ANKRD66: variants seen among roughly 807,000 people sequenced by gnomAD.
ANKRD66 encodes ankyrin repeat domain 66.
ANKRD66 carries 10 observed loss-of-function variants against 10.9 expected under a neutral mutation model. That is an observed-to-expected ratio of 0.91 (90% CI 0.56 to 1.55). The LOEUF is 1.55. ANKRD66 is among the 40% of genes most tolerant of loss of function. The probability of loss-of-function intolerance (pLI) is 0.00; values close to 1 mark genes in which losing one functional copy is unlikely to be tolerated. For missense variants in ANKRD66, 252 were observed against 242.9 expected, an observed-to-expected ratio of 1.04 and a Z score of -0.25; for synonymous variants, 85 against 88.4, an observed-to-expected ratio of 0.96 and a Z score of 0.22.
chr6:46,753,686 C>T, intron 3 of ANKRD66, 36 bp from the exon 4 acceptor site: 1 of 1,511,448 alleles, frequency 6.6e-7, no homozygotes, highest in Non-Finnish European at 8.9e-7. Context: ...ACATCTTTAT[C>T]CTAACCTCAT....
chr6:46,756,552 A>G (rs933997068), intron 4 of ANKRD66: 1 of 152,736 alleles, frequency 6.5e-6, no homozygotes, highest in Non-Finnish European at 1.5e-5. Context: ...TAGCAGTATT[A>G]ATCATGATAG....
At position 46,758,929 on chromosome 6, in the gene ANKRD66, A is replaced by T. The variant is rs1325378464; in HGVS notation, c.*8A>T. On this transcript the variant is annotated 3_prime_UTR_variant, in exon 5 of 5. Transcript: ENST00000565422. ...AAGGGGAGGAGAGTATGAGAACTCAACCTTATGTTTTCTGGCAAGGAACTT... is the reference window on the plus strand; with the variant it reads ...AAGGGGAGGAGAGTATGAGAACTCATCCTTATGTTTTCTGGCAAGGAACTT... 1.3e-6 allele frequency: 2 copies of T among 1,532,586 alleles called. No individual in the cohort carries two copies. Among genetic ancestry groups the T allele is most frequent in the African/African-American group, 1.4e-5 (1 of 71,822 alleles). 94.9% of individuals were successfully genotyped at this position (1,532,586 alleles called of 1,614,324 possible). A position where few individuals can be genotyped will look rare whatever the true frequency, so the allele number is the denominator to read the frequency against.
chr6:46,753,891 C>A lies in ANKRD66; in HGVS notation c.333C>A (p.Asp111Glu), dbSNP rs1766320022. ...TCGACGCCCCTGACTTCTTTGGAGA[C>A]ACACCGAAGAGGATTGCACAGATCT... ...AAIDAPDFFG[D>E]TPKRIAQIYG... The change falls in exon 4 of 5, where the codon GAC (aspartate) becomes GAA (glutamate). Residue 111 changes from aspartate to glutamate, a missense_variant. Coordinates refer to ENST00000565422, the MANE Select transcript of ANKRD66 (RefSeq NM_001162435.3). The A allele has an allele frequency of 1.3e-6, 2 of 1,551,606 alleles. No homozygotes were observed. The highest frequency in any genetic ancestry group is 1.7e-6 in the Non-Finnish European group (2 of 1,146,984).
At chr6:46,758,667 C>T (rs1210912930) in intron 4 of ANKRD66, 56 bp from the exon 5 acceptor site, 1 of 1,462,732 alleles carries the variant, frequency 6.8e-7, no homozygotes, top group African/African-American at 1.4e-5. Flanking sequence ...GGCCGATTCC[C>T]AGGCTGGAAC....
chr6:46,750,792 TACA>T (rs1371722441), intron 2 of ANKRD66, among the ~76,000 whole-genome samples: 3 of 151,420 alleles, frequency 2.0e-5, no homozygotes, highest in African/African-American at 7.3e-5. Context: ...TGTTTGATAC[TACA>T]ACAATATTGT....
intron 1 of ANKRD66, among the ~76,000 whole-genome samples, 162 bp from the exon 2 acceptor site, chr6:46,749,734 C>T (rs1404047083): frequency 1.3e-5 from 2 of 152,038 alleles, no homozygotes; most frequent in African/African-American, 4.8e-5. Context: ...CTCCATCAGT[C>T]GCCAATATGT....
At chr6:46,758,645 C>A in intron 4 of ANKRD66, 78 bp from the exon 5 acceptor site, 1 of 1,384,520 alleles carries the variant, frequency 7.2e-7, no homozygotes, top group Non-Finnish European at 9.6e-7. Context: ...GTGTGCAGAA[C>A]CTGTGAATAA....
At chr6:46,748,001 C>T (rs949520889) in intron 1 of ANKRD66, among the ~76,000 whole-genome samples, 11 of 152,138 alleles carry the variant, frequency 7.2e-5, no homozygotes, top group East Asian at 5.8e-4. Flanking sequence ...TAACTCAAAA[C>T]GGATCACAGA....
chr6:46,749,109 T>C (rs545906790), intron 1 of ANKRD66, among the ~76,000 whole-genome samples: 1 of 152,160 alleles, frequency 6.6e-6, no homozygotes, highest in East Asian at 1.9e-4. Flanking sequence ...GCCCAGGCAA[T>C]GCCCTCTGCC....
In ANKRD66 at chr6:46,758,800, G is replaced by T. The variant is rs757000492; in HGVS notation, c.470G>T (p.Trp157Leu). 9.0e-6 allele frequency: 14 copies of T among 1,551,326 alleles called. No homozygotes were observed. Among genetic ancestry groups the T allele is most frequent in the Non-Finnish European group, 1.1e-5 (13 of 1,146,892 alleles). Residue 157 changes from tryptophan (W) to leucine (L), a missense_variant, in exon 5 of 5, where the codon TGG becomes TTG. Coordinates refer to ENST00000565422, the MANE Select transcript of ANKRD66 (RefSeq NM_001162435.3). ...GLPLDERDED[W>L]DAKKRELELS... ...CCTCTGGATGAGCGTGATGAAGACT[G>T]GGATGCCAAGAAAAGGGAGCTGGAG...
At chr6:46,748,616 A>G (rs186488755) in intron 1 of ANKRD66, among the ~76,000 whole-genome samples, 4 of 152,286 alleles carry the variant, frequency 2.6e-5, no homozygotes, top group Admixed American at 2.6e-4. Flanking sequence ...TTTACCTAAC[A>G]TAGTATGTAC....
intron 2 of ANKRD66, among the ~76,000 whole-genome samples, chr6:46,750,542 A>C (rs1335076964): frequency 2.0e-5 from 3 of 151,038 alleles, no homozygotes; most frequent in Non-Finnish European, 4.4e-5. Flanking sequence ...TATAAAGACA[A>C]TCTGGTTATA....
intron 4 of ANKRD66, chr6:46,757,989 A>C (rs1766414588): frequency 6.6e-6 from 1 of 152,190 alleles, no homozygotes; most frequent in East Asian, 1.9e-4. Flanking sequence ...AGGGTGAGGG[A>C]CTAGTGAGTT....
Position 46,758,952 on chromosome 6 carries a change from C to G in ANKRD66, c.*31C>G, listed in dbSNP as rs1260214988. ...CAACCTTATGTTTTCTGGCAAGGAA[C>G]TTTCCCTGGTGCCAGAAATGAGGCT... On this transcript the variant is annotated 3_prime_UTR_variant, in exon 5 of 5. Coordinates refer to ENST00000565422, the MANE Select transcript of ANKRD66 (RefSeq NM_001162435.3). The G allele has an allele frequency of 2.6e-6, 4 of 1,512,056 alleles. No individual in the cohort carries two copies. The highest frequency in any genetic ancestry group is 1.3e-5 in the South Asian group (1 of 78,576). 93.7% of individuals were successfully genotyped at this position (1,512,056 alleles called of 1,614,324 possible).
Position 46,746,967 on chromosome 6 carries a change from G to A in ANKRD66, c.-120G>A. On this transcript the variant is annotated 5_prime_UTR_variant, in exon 1 of 5. Transcript: ENST00000565422. ...GGTTAGGACTGCCTGTCAGCACAGA[G>A]CTCCTCAAATTTCACACAAGACAGT... 6.5e-7 allele frequency: 1 copy of A among 1,535,476 alleles called. No homozygotes were observed. The highest frequency in any genetic ancestry group is 1.2e-5 in the South Asian group (1 of 84,038).
intron 4 of ANKRD66, among the ~76,000 whole-genome samples, chr6:46,754,916 C>T (rs142575950): frequency 1.7e-3 from 255 of 152,334 alleles, no homozygotes; most frequent in Middle Eastern, 6.8e-3. Context: ...CTACATTCAA[C>T]GATCTCCATC....
chr6:46,749,407 C>T (rs1380042817), intron 1 of ANKRD66, among the ~76,000 whole-genome samples: 1 of 152,132 alleles, frequency 6.6e-6, no homozygotes, highest in South Asian at 2.1e-4. Flanking sequence ...CCTCGTTCGC[C>T]TAAGAATATC....
intron 4 of ANKRD66, among the ~76,000 whole-genome samples, chr6:46,754,451 A>AT (rs1203051902): frequency 2.0e-5 from 3 of 152,120 alleles, no homozygotes; most frequent in Non-Finnish European, 4.4e-5. Flanking sequence ...GCACCTGTTT[A>AT]TTTTTTTCGC....
intron 2 of ANKRD66, among the ~76,000 whole-genome samples, chr6:46,751,608 A>ACTAACTTT (rs1329350660): frequency 9.3e-4 from 142 of 152,290 alleles, no homozygotes; most frequent in African/African-American, 3.2e-3. Flanking sequence ...TTACTAACTT[A>ACTAACTTT]CTTACTTACT....
Sources: gnomAD v4.1 joint callset for allele counts (sites outside exome capture counted in the v4.1 genomes callset) on GRCh38, gnomAD v4.1.1 for gene constraint, MANE v1.5 for transcripts, NCBI Gene and HGNC (gene_info 2026-07-23, HGNC 2026-07-21) for gene names.